The following MOXD1 variants were observed in gnomAD, a reference collection of about 807,000 sequenced individuals.
The protein encoded by MOXD1 is monooxygenase DBH like 1, also known as DBH-like monooxygenase protein 1.
In MOXD1, 62 loss-of-function variants were observed where a neutral mutation model predicts 66.6. The observed-to-expected ratio is 0.93, with a 90% CI of 0.76 to 1.15. MOXD1 has a LOEUF of 1.15. Among genes scored for constraint, MOXD1 ranks in the 50% most tolerant of loss-of-function variants. The pLI is 0.00. For missense variants in MOXD1, 847 were observed against 754.6 expected, an observed-to-expected ratio of 1.12 and a Z score of -1.44; for synonymous variants, 303 against 281.9, an observed-to-expected ratio of 1.07 and a Z score of -0.75.
Position 132,296,906 on chromosome 6 carries a change from T to C in MOXD1, c.*247A>G, listed in dbSNP as rs572108297. On this transcript the variant is annotated 3_prime_UTR_variant, in exon 12 of 12. Coordinates refer to ENST00000367963, the MANE Select transcript of MOXD1 (RefSeq NM_015529.4). ...CACATGACAGCCCAATTTTTTAAAA[T>C]GGTTATCTTAAGTCAGGCCAGTTTT... 8 of 305,014 alleles carry C rather than the reference T, an allele frequency of 2.6e-5. No individual in the cohort carries two copies. Among genetic ancestry groups the C allele is most frequent in the African/African-American group, 1.1e-4 (5 of 47,146 alleles). 18.9% of individuals were successfully genotyped at this position (305,014 alleles called of 1,614,324 possible).
At chr6:132,335,852 T>C (rs191812307) in intron 4 of MOXD1, among the ~76,000 whole-genome samples, 1 of 152,362 alleles carries the variant, frequency 6.6e-6, no homozygotes, top group East Asian at 1.9e-4. Flanking sequence ...TCATCACAAA[T>C]ACACATTTCT....
At chr6:132,302,664 C>T (rs971499357) in intron 10 of MOXD1, among the ~76,000 whole-genome samples, 5 of 152,164 alleles carry the variant, frequency 3.3e-5, no homozygotes, top group African/African-American at 1.2e-4. Context: ...TAATCCCAAT[C>T]AAATCCCAGC....
intron 1 of MOXD1, chr6:132,390,623 T>C (rs1460625658): frequency 6.6e-6 from 1 of 151,602 alleles, no homozygotes; most frequent in African/African-American, 2.4e-5. Context: ...ATTCAGTAAA[T>C]GAACATTCCA....
rs147485589 is a variant in MOXD1, at chr6:132,369,474, CA to C, written c.663+3133del. On this transcript the variant is annotated intron_variant, in intron 4 of 11. Transcript: ENST00000367963. ...TTAGCATAGGTCTTAACAACCTTAT[CA>C]TTTTTTTTTTATGAAGTTGAGAGCT... Among the ~76,000 whole-genome samples the C allele has an allele frequency of 4.5e-3, 673 of 149,982 alleles. 9 individuals are homozygous for C. Among genetic ancestry groups the C allele is most frequent in the African/African-American group, 0.015 (636 of 41,272 alleles).
At chr6:132,344,949 C>T (rs1775640852) in intron 4 of MOXD1, among the ~76,000 whole-genome samples, 1 of 152,152 alleles carries the variant, frequency 6.6e-6, no homozygotes, top group African/African-American at 2.4e-5. Context: ...GGGACAAGAA[C>T]CCAGGACCCG....
chr6:132,356,745 G>A (rs1562291970), intron 4 of MOXD1, among the ~76,000 whole-genome samples: 1 of 151,940 alleles, frequency 6.6e-6, no homozygotes, highest in Non-Finnish European at 1.5e-5. Flanking sequence ...AATTTGAAAA[G>A]CAAAATTCAA....
rs575575791 is a variant in MOXD1 at position 132,311,817 on chromosome 6, T to C, written c.1508+3818A>G. ...TCATTCAACATGTTAGCAATGTTTATGTTGAGTAGAATTTGAGGTGGTTGC... is the reference window on the plus strand; with the variant it reads ...TCATTCAACATGTTAGCAATGTTTACGTTGAGTAGAATTTGAGGTGGTTGC... On this transcript the variant is annotated intron_variant, in intron 10 of 11. Coordinates refer to ENST00000367963, the MANE Select transcript of MOXD1 (RefSeq NM_015529.4). Among the ~76,000 whole-genome samples the C allele has an allele frequency of 9.9e-5, 15 of 152,276 alleles. 1 individual carries two copies. Among genetic ancestry groups the C allele is most frequent in the African/African-American group, 3.4e-4 (14 of 41,576 alleles).
At chr6:132,357,371 T>C (rs1004873929) in intron 4 of MOXD1, among the ~76,000 whole-genome samples, 2 of 152,156 alleles carry the variant, frequency 1.3e-5, no homozygotes, top group African/African-American at 4.8e-5. Flanking sequence ...TCTAACCTTG[T>C]AAATGTAATT....
intron 10 of MOXD1, among the ~76,000 whole-genome samples, chr6:132,307,841 C>A (rs1185296831): frequency 6.6e-6 from 1 of 151,900 alleles, no homozygotes; most frequent in East Asian, 1.9e-4. Flanking sequence ...GACAACGTAC[C>A]AGAATCTCTG....
At chr6:132,312,310 G>C (rs1774847167) in intron 10 of MOXD1, among the ~76,000 whole-genome samples, 1 of 151,990 alleles carries the variant, frequency 6.6e-6, no homozygotes, top group South Asian at 2.1e-4. Context: ...CAGAATAGAA[G>C]AGTTTTGTTC....
chr6:132,393,141 G>A (rs1271601609), intron 1 of MOXD1, among the ~76,000 whole-genome samples: 3 of 138,814 alleles, frequency 2.2e-5, no homozygotes, highest in African/African-American at 8.6e-5. Flanking sequence ...AACTCCTTGT[G>A]AGTGGAGTGA....
intron 4 of MOXD1, among the ~76,000 whole-genome samples, chr6:132,366,284 G>T (rs1446469367): frequency 6.6e-6 from 1 of 152,014 alleles, no homozygotes; most frequent in Non-Finnish European, 1.5e-5. Context: ...AGATAGAAGG[G>T]AAACATCAAT....
chr6:132,324,494 C>A (rs1775146610), intron 6 of MOXD1, among the ~76,000 whole-genome samples: 1 of 152,090 alleles, frequency 6.6e-6, no homozygotes, highest in African/African-American at 2.4e-5. Context: ...AGATGAAGTT[C>A]AATAACATTT....
chr6:132,318,169 C>T (rs1774998909), intron 9 of MOXD1, among the ~76,000 whole-genome samples: 1 of 151,880 alleles, frequency 6.6e-6, no homozygotes, highest in African/African-American at 2.4e-5. Context: ...GAATAGTTTA[C>T]ATATTTCTCT....
chr6:132,340,020 C>T (rs1775517870), intron 4 of MOXD1, among the ~76,000 whole-genome samples: 1 of 152,048 alleles, frequency 6.6e-6, no homozygotes, highest in Non-Finnish European at 1.5e-5. Context: ...CAGGCATGCA[C>T]CACCACACCT....
intron 2 of MOXD1, among the ~76,000 whole-genome samples, chr6:132,373,798 G>C (rs1358157730): frequency 6.6e-6 from 1 of 152,184 alleles, no homozygotes; most frequent in African/African-American, 2.4e-5. Context: ...TAACGCAAAA[G>C]TATTTTAAAT....
At chr6:132,379,538 T>C (rs1165739552) in intron 1 of MOXD1, among the ~76,000 whole-genome samples, 1 of 152,224 alleles carries the variant, frequency 6.6e-6, no homozygotes, top group Non-Finnish European at 1.5e-5. Context: ...TCCCTGACTC[T>C]ATTTTCACCT....
Position 132,297,115 on chromosome 6 carries a change from G to C in MOXD1, c.*38C>G. On this transcript the variant is annotated 3_prime_UTR_variant, in exon 12 of 12. Coordinates refer to ENST00000367963, the MANE Select transcript of MOXD1 (RefSeq NM_015529.4). ...ACCTGTACTTCAAATGACAGGTTCAGATCATAGAAAACATTGTCAAGTCCA... is the reference window on the plus strand; with the variant it reads ...ACCTGTACTTCAAATGACAGGTTCACATCATAGAAAACATTGTCAAGTCCA... The C allele has an allele frequency of 6.2e-7, 1 of 1,602,370 alleles. No homozygotes were observed. The highest frequency in any genetic ancestry group is 1.1e-5 in the South Asian group (1 of 90,032).
rs35163669 is a variant in MOXD1 at position 132,333,335 on chromosome 6, C to CAAAA, written c.664-4745_664-4742dup. ...TGGGCTACAGAGTGAGACTCCGTCTCAAAAAAAAAAAAAAAAAAAAATACT... is the reference window on the plus strand; with the variant it reads ...TGGGCTACAGAGTGAGACTCCGTCTCAAAAAAAAAAAAAAAAAAAAAAAAATACT... On this transcript the variant is annotated intron_variant, in intron 4 of 11. Transcript: ENST00000367963. Among the ~76,000 whole-genome samples, 271 of 72,052 alleles carry CAAAA rather than the reference C, an allele frequency of 3.8e-3. 5 individuals carry two copies. Among genetic ancestry groups the CAAAA allele is most frequent in the African/African-American group, 0.012 (243 of 19,706 alleles). The allele number at this position is 72,052 out of a possible 152,430, so 47.3% of individuals were successfully genotyped here.
Sources: allele counts gnomAD v4.1 joint callset (sites outside exome capture counted in the v4.1 genomes callset), GRCh38; gene constraint gnomAD v4.1.1; transcripts MANE v1.5; gene names NCBI Gene and HGNC (gene_info 2026-07-23, HGNC 2026-07-21).